TSHZ1: variants seen among roughly 807,000 people sequenced by gnomAD.
TSHZ1 encodes the protein teashirt zinc finger homeobox 1, also known as teashirt homolog 1.
In TSHZ1, 12 loss-of-function variants were observed where a neutral mutation model predicts 67.1. The ratio of observed to expected loss-of-function variants is 0.18; its 90% CI spans 0.11 to 0.29. TSHZ1 has a LOEUF of 0.29. TSHZ1 is among the 10% of genes least tolerant of loss of function. TSHZ1 has a pLI of 1.00. For missense variants in TSHZ1, 1,305 were observed against 1,413.9 expected, an observed-to-expected ratio of 0.92 and a Z score of 1.23; for synonymous variants, 632 against 622.4, an observed-to-expected ratio of 1.02 and a Z score of -0.23.
rs2023689571 is a variant in TSHZ1 at position 75,281,779 on chromosome 18, G to T, written c.41-3669G>T. Among the ~76,000 whole-genome samples the T allele has an allele frequency of 6.6e-6, 1 of 152,124 alleles. No homozygotes were observed. The highest frequency in any genetic ancestry group is 2.1e-4 in the South Asian group (1 of 4,830). On this transcript the variant is annotated intron_variant, in intron 1 of 1. Coordinates refer to ENST00000580243, the MANE Select transcript of TSHZ1 (RefSeq NM_001308210.2). The surrounding 1 kb of genome is among the most constrained non-coding windows in gnomAD (Gnocchi z 5.3). The stretch of plus-strand genomic sequence containing the variant: ...GCTCATGGGTGCAACCGGGTGGGGA[G>T]TGAGAAGTTGCCTCCAGATGGCATC...
intron 1 of TSHZ1, among the ~76,000 whole-genome samples, chr18:75,215,629 A>T (rs1323573829): frequency 6.6e-6 from 1 of 152,240 alleles, no homozygotes; most frequent in Non-Finnish European, 1.5e-5. Context: ...TAAATGATGA[A>T]CTTCCAACTG....
chr18:75,236,086 C>T (rs1167609362), intron 1 of TSHZ1, among the ~76,000 whole-genome samples: 4 of 152,118 alleles, frequency 2.6e-5, no homozygotes, highest in Admixed American at 6.5e-5. Flanking sequence ...TGATAGGAAG[C>T]GTGCATGATA....
intron 1 of TSHZ1, among the ~76,000 whole-genome samples, chr18:75,215,389 C>A (rs1035893603): frequency 6.6e-6 from 1 of 152,152 alleles, no homozygotes; most frequent in Admixed American, 6.5e-5. Flanking sequence ...CAGGAGTGTG[C>A]CTCTCTCAAG....
chr18:75,225,026 G>T (rs967107745), intron 1 of TSHZ1, among the ~76,000 whole-genome samples: 1 of 151,918 alleles, frequency 6.6e-6, no homozygotes, highest in African/African-American at 2.4e-5. Flanking sequence ...TGTACTTAGA[G>T]AATTTGCTTT....
intron 1 of TSHZ1, among the ~76,000 whole-genome samples, chr18:75,216,215 C>G (rs1363524877): frequency 6.6e-6 from 1 of 152,134 alleles, no homozygotes; most frequent in Non-Finnish European, 1.5e-5. Context: ...CTCACTGCAT[C>G]TCTTTAGCAT....
intron 1 of TSHZ1, among the ~76,000 whole-genome samples, chr18:75,212,267 T>A (rs1332100284): frequency 6.6e-6 from 1 of 152,134 alleles, no homozygotes; most frequent in African/African-American, 2.4e-5. Flanking sequence ...CGGAGCGCAC[T>A]GGAAAAGTCC....
At position 75,250,923 on chromosome 18, in the gene TSHZ1, T is replaced by C. The variant is rs543239773; in HGVS notation, c.41-34525T>C. 2.0e-5 allele frequency among the ~76,000 whole-genome samples: 3 copies of C among 152,320 alleles called. No homozygotes were observed. The East Asian group carries it at 5.8e-4, about 29-fold the overall frequency. ...GACCCCCGACACCTATTTCAGTGCCTGTGCCCTCAAGATGTACCAGCCCCG... is the reference window on the plus strand; with the variant it reads ...GACCCCCGACACCTATTTCAGTGCCCGTGCCCTCAAGATGTACCAGCCCCG... On this transcript the variant is annotated intron_variant, in intron 1 of 1. Coordinates refer to ENST00000580243, the MANE Select transcript of TSHZ1 (RefSeq NM_001308210.2).
chr18:75,286,622 C>T lies in TSHZ1; in HGVS notation c.1215C>T (p.Thr405=), dbSNP rs1395766525. 3.1e-6 allele frequency: 5 copies of T among 1,614,250 alleles called. No homozygotes were observed. The Admixed American group carries it at 5.0e-5, about 16-fold the overall frequency. ...RYGYQNGASY[T]WQFEARKAQI... is the part of the protein sequence containing the mutation. ...GCTACCAGAATGGCGCCAGCTACAC[C>T]TGGCAGTTTGAGGCCCGCAAGGCGC... The change falls in exon 2 of 2, where the codon ACC becomes ACT. Residue 405 remains threonine (T), a synonymous_variant. Coordinates refer to ENST00000580243, the MANE Select transcript of TSHZ1 (RefSeq NM_001308210.2). This position sits in a 1 kb window ranked among gnomAD's most constrained non-coding sequence, Gnocchi z 5.1.
intron 1 of TSHZ1, among the ~76,000 whole-genome samples, chr18:75,277,486 G>T (rs1169251384): frequency 6.6e-6 from 1 of 152,076 alleles, no homozygotes; most frequent in African/African-American, 2.4e-5. Context: ...GTGAGCAACA[G>T]ACTTGTATTA....
In TSHZ1 at chr18:75,286,946, G is replaced by T. The variant is rs111329836; in HGVS notation, c.1539G>T (p.Ala513=). ...AGAAGCCGCCTGTGGCTGGCGACGC[G>T]GAGAAGATCAAGGAGGAGAGTGAGG... is the stretch of plus-strand genomic sequence containing the variant. ...EKEKPPVAGD[A]EKIKEESEDS... The change falls in exon 2 of 2, where the codon GCG becomes GCT. Residue 513 remains alanine, a synonymous_variant. Transcript: ENST00000580243. The surrounding 1 kb of genome is among the most constrained non-coding windows in gnomAD (Gnocchi z 5.1). 4,048 of 1,614,148 alleles carry T rather than the reference G, an allele frequency of 2.5e-3. 31 individuals carry two copies. In the African/African-American group the frequency reaches 0.029, roughly 12 times the overall value.
chr18:75,225,421 G>C (rs186015096), intron 1 of TSHZ1, among the ~76,000 whole-genome samples: 1 of 152,234 alleles, frequency 6.6e-6, no homozygotes, highest in Non-Finnish European at 1.5e-5. Context: ...GCTTCTGTCC[G>C]TGTGTCAGCG....
At chr18:75,215,285 C>T (rs537856309) in intron 1 of TSHZ1, among the ~76,000 whole-genome samples, 5 of 152,232 alleles carry the variant, frequency 3.3e-5, no homozygotes, top group Admixed American at 1.3e-4. Context: ...GGGAGCACAC[C>T]GGGCCGTCTC....
At chr18:75,278,168 G>C (rs560202450) in intron 1 of TSHZ1, among the ~76,000 whole-genome samples, 1 of 151,902 alleles carries the variant, frequency 6.6e-6, no homozygotes, top group East Asian at 2.0e-4. Flanking sequence ...TTCAGGCCCA[G>C]GCTCCTGGGG....
At chr18:75,247,744 A>G (rs1287333553) in intron 1 of TSHZ1, among the ~76,000 whole-genome samples, 1 of 152,256 alleles carries the variant, frequency 6.6e-6, no homozygotes, top group East Asian at 1.9e-4. Context: ...GTGAGCACAC[A>G]CACACTCACC....
rs146844796 is a variant in TSHZ1 at position 75,270,441 on chromosome 18, G to A, written c.41-15007G>A. 2.8e-3 allele frequency among the ~76,000 whole-genome samples: 434 copies of A among 152,348 alleles called. 4 individuals are homozygous for A. Among genetic ancestry groups the A allele is most frequent in the African/African-American group, 9.4e-3 (390 of 41,576 alleles). On this transcript the variant is annotated intron_variant, in intron 1 of 1. Transcript: ENST00000580243. ...ATAACGCTGGTTGAGCAGATATTCT[G>A]TGGGTATGAAATGTTTATCCAAGAA...
intron 1 of TSHZ1, among the ~76,000 whole-genome samples, chr18:75,269,600 G>A (rs1235382921): frequency 5.3e-5 from 8 of 152,134 alleles, no homozygotes; most frequent in Non-Finnish European, 5.9e-5. Context: ...GGAAACAGAC[G>A]TTTTTGATCC....
intron 1 of TSHZ1, among the ~76,000 whole-genome samples, chr18:75,269,092 G>A (rs1423753437): frequency 1.3e-5 from 2 of 152,134 alleles, no homozygotes; most frequent in Non-Finnish European, 2.9e-5. Context: ...CCTGAAACAC[G>A]TATTTTATGC....
At chr18:75,266,761 G>T (rs2023495217) in intron 1 of TSHZ1, among the ~76,000 whole-genome samples, 1 of 152,176 alleles carries the variant, frequency 6.6e-6, no homozygotes, top group Non-Finnish European at 1.5e-5. Context: ...GTCCTGGCGG[G>T]GACTCCCTGG....
Position 75,286,662 on chromosome 18 carries a change from A to G in TSHZ1, c.1255A>G (p.Met419Val), listed in dbSNP as rs2023770458. 3.1e-5 allele frequency: 50 copies of G among 1,614,236 alleles called. No homozygotes were observed. Among genetic ancestry groups the G allele is most frequent in the Non-Finnish European group, 4.2e-5 (49 of 1,180,044 alleles). The change falls in exon 2 of 2, where the codon ATG (methionine) becomes GTG (valine). Residue 419 changes from methionine to valine, a missense_variant. By Grantham distance (21) the Met-to-Val change is conservative. This residue lies in a region of TSHZ1 where 909 missense variants were observed against 961.8 expected (regional missense o/e 0.95). Coordinates refer to ENST00000580243, the MANE Select transcript of TSHZ1 (RefSeq NM_001308210.2). The surrounding 1 kb of genome is among the most constrained non-coding windows in gnomAD (Gnocchi z 5.1). Reference sequence around the variant, plus strand: ...CCGCAAGGCGCAGATCCTCAAGTGCATGGAGTGTGGCAGCTCCCACGACAC... The same window carrying G: ...CCGCAAGGCGCAGATCCTCAAGTGCGTGGAGTGTGGCAGCTCCCACGACAC... ...EARKAQILKC[M>V]ECGSSHDTLQ...
Sources: gnomAD v4.1 joint callset for allele counts (sites outside exome capture counted in the v4.1 genomes callset) on GRCh38, gnomAD v4.1.1 for gene constraint, gnomAD v4.1.1 regional missense constraint, Gnocchi (gnomAD v3.1) non-coding constraint, MANE v1.5 for transcripts, NCBI Gene and HGNC (gene_info 2026-07-23, HGNC 2026-07-21) for gene names.